Variants in MRPL39 observed in about 807,000 individuals in gnomAD.
The protein encoded by MRPL39 is mitochondrial ribosomal protein L39, also known as large ribosomal subunit protein mL39.
Under a neutral mutation model 44.5 loss-of-function variants are expected in MRPL39, and 35 were observed. The ratio of observed to expected loss-of-function variants is 0.79; its 90% CI spans 0.60 to 1.04. The LOEUF (loss-of-function observed/expected upper bound fraction) is 1.04. MRPL39 is among the 50% of genes least tolerant of loss of function. The probability of loss-of-function intolerance (pLI) is 0.00; values close to 1 mark genes in which losing one functional copy is unlikely to be tolerated. For missense variants in MRPL39, 433 were observed against 413.5 expected, an observed-to-expected ratio of 1.05 and a Z score of -0.41; for synonymous variants, 139 against 136.1, an observed-to-expected ratio of 1.02 and a Z score of -0.15.
intron 2 of MRPL39, among the ~76,000 whole-genome samples, chr21:25,604,948 A>G (rs1450980482): frequency 1.3e-5 from 2 of 152,218 alleles, no homozygotes; most frequent in Non-Finnish European, 2.9e-5. Flanking sequence ...TGTGATGTGT[A>G]TAAAGCTCCT....
chr21:25,605,775 G>A lies in MRPL39; in HGVS notation c.280+674C>T, dbSNP rs1418092023. ...ATAAATTAGCCAGGTGTGATGGTGGGCACCTGTAGTCCCAGCTACTTCGTA... is the reference window on the plus strand; with the variant it reads ...ATAAATTAGCCAGGTGTGATGGTGGACACCTGTAGTCCCAGCTACTTCGTA... On this transcript the variant is annotated intron_variant, in intron 2 of 9. Coordinates refer to ENST00000352957, the MANE Select transcript of MRPL39 (RefSeq NM_017446.4). 2.6e-5 allele frequency among the ~76,000 whole-genome samples: 4 copies of A among 152,208 alleles called. No individual in the cohort carries two copies. The South Asian group carries it at 8.3e-4, about 32-fold the overall frequency.
chr21:25,594,111 C>G (rs1275167455), intron 6 of MRPL39, among the ~76,000 whole-genome samples, 153 bp from the exon 7 acceptor site: 1 of 152,188 alleles, frequency 6.6e-6, no homozygotes, highest in African/African-American at 2.4e-5. Context: ...CCCCATGACT[C>G]TGCCAAACTG....
chr21:25,592,849 C>T lies in MRPL39; in HGVS notation c.884G>A (p.Arg295Gln), dbSNP rs762862328. 3.1e-6 allele frequency: 5 copies of T among 1,612,272 alleles called. No individual in the cohort carries two copies. The highest frequency in any genetic ancestry group is 2.2e-5 in the East Asian group (1 of 44,860). ...NLQPTQPSLIRRFQGVSLPVH... is the reference protein window; with the variant it reads ...NLQPTQPSLIQRFQGVSLPVH... ...AGGTAAAGACACGCCCTGGAATCTTCGTATGAGACTTGGCTGGGTGGGTTG... is the reference window on the plus strand; with the variant it reads ...AGGTAAAGACACGCCCTGGAATCTTTGTATGAGACTTGGCTGGGTGGGTTG... Residue 295 changes from arginine to glutamine, a missense_variant, in exon 8 of 10, where the codon CGA becomes CAA. Coordinates refer to ENST00000352957, the MANE Select transcript of MRPL39 (RefSeq NM_017446.4).
chr21:25,602,610 C>T (rs139730845), intron 3 of MRPL39, among the ~76,000 whole-genome samples: 2,065 of 152,222 alleles, frequency 0.014, 27 homozygotes, highest in Middle Eastern at 0.024. Context: ...TCTTCACATT[C>T]GACCGTTTAT....
At chr21:25,593,979 A>T (rs954874707) in intron 6 of MRPL39, 21 bp from the exon 7 acceptor site, 2 of 1,606,456 alleles carry the variant, frequency 1.2e-6, no homozygotes, top group Non-Finnish European at 8.5e-7. Flanking sequence ...GCAAAGAAAA[A>T]AACATTTTTT....
chr21:25,607,813 C>T (rs577532950), upstream of MRPL39, among the ~76,000 whole-genome samples: 27 of 148,686 alleles, frequency 1.8e-4, no homozygotes, highest in Admixed American at 8.2e-4. Flanking sequence ...TCCGCGGGTT[C>T]GATCCCGGCC....
intron 2 of MRPL39, among the ~76,000 whole-genome samples, chr21:25,605,199 T>C (rs1023249801): frequency 2.0e-5 from 3 of 152,260 alleles, no homozygotes; most frequent in Admixed American, 6.5e-5. Context: ...GCAATGCAGC[T>C]AGTCATGCCT....
chr21:25,598,086 T>C (rs1199994831), intron 5 of MRPL39, among the ~76,000 whole-genome samples: 1 of 152,156 alleles, frequency 6.6e-6, no homozygotes, highest in African/African-American at 2.4e-5. Flanking sequence ...ATTTTTATAA[T>C]GAAATTATTT....
chr21:25,596,786 A>G lies in MRPL39; in HGVS notation c.701+516T>C, dbSNP rs560799597. Among the ~76,000 whole-genome samples, 6 of 152,312 alleles carry G rather than the reference A, an allele frequency of 3.9e-5. 1 individual carries two copies. Among genetic ancestry groups the G allele is most frequent in the African/African-American group, 1.4e-4 (6 of 41,572 alleles). On this transcript the variant is annotated intron_variant, in intron 6 of 9. Coordinates refer to ENST00000352957, the MANE Select transcript of MRPL39 (RefSeq NM_017446.4). ...ACAACTGGTAGTAGAAGGTGAACTG[A>G]AAGTTTTCTGAGAACTGAGAAGCCA...
chr21:25,593,277 T>C (rs1489420798), intron 7 of MRPL39, among the ~76,000 whole-genome samples: 1 of 152,182 alleles, frequency 6.6e-6, no homozygotes, highest in Non-Finnish European at 1.5e-5. Flanking sequence ...AACCTTACAA[T>C]AACCCATGTA....
chr21:25,591,424 A>C (rs1166482546), intron 8 of MRPL39, among the ~76,000 whole-genome samples: 1 of 152,148 alleles, frequency 6.6e-6, no homozygotes, highest in Non-Finnish European at 1.5e-5. Flanking sequence ...CTACATATCT[A>C]ACAAAAAACT....
At position 25,591,043 on chromosome 21, in the gene MRPL39, C is replaced by T. The variant is rs79545053; in HGVS notation, c.921+1769G>A. Among the ~76,000 whole-genome samples the T allele has an allele frequency of 4.3e-3, 619 of 142,668 alleles. 4 individuals are homozygous for T. The highest frequency in any genetic ancestry group is 0.016 in the African/African-American group (585 of 37,370). 93.6% of individuals were successfully genotyped at this position (142,668 alleles called of 152,430 possible). A position where few individuals can be genotyped will look rare whatever the true frequency, so the allele number is the denominator to read the frequency against. On this transcript the variant is annotated intron_variant, in intron 8 of 9. Coordinates refer to ENST00000352957, the MANE Select transcript of MRPL39 (RefSeq NM_017446.4). Reference sequence around the variant, plus strand: ...AGTGGAGGAAGAGTGGCCTTTTCAACGAATGGTGTTGGAGCAATCTGACAT... The same window carrying T: ...AGTGGAGGAAGAGTGGCCTTTTCAATGAATGGTGTTGGAGCAATCTGACAT...
rs115649519 is a variant in MRPL39, at chr21:25,607,456, C to T, written c.20G>A (p.Gly7Asp). Residue 7 changes from glycine to aspartate, a missense_variant, in exon 1 of 10, where the codon GGT becomes GAT. By Grantham distance (94) the Gly-to-Asp change is moderately conservative. Transcript: ENST00000352957. MEALAM[G>D]SRALRLWLVA... is the part of the protein sequence containing the mutation. ...CAGCCAGAGCCGCAGCGCCCGGGAA[C>T]CCATGGCCAGCGCCTCCATAGCAGC... 3 of 1,612,750 alleles carry T rather than the reference C, an allele frequency of 1.9e-6. No homozygotes were observed. Among genetic ancestry groups the T allele is most frequent in the African/African-American group, 2.7e-5 (2 of 75,046 alleles).
chr21:25,599,981 T>A, intron 4 of MRPL39, 115 bp from the exon 5 acceptor site: 1 of 728,002 alleles, frequency 1.4e-6, no homozygotes, highest in Non-Finnish European at 2.3e-6. Flanking sequence ...CTCCCAACTC[T>A]ACAAATTATA....
intron 2 of MRPL39, 120 bp from the exon 3 acceptor site, chr21:25,604,055 G>A: frequency 7.7e-6 from 7 of 907,896 alleles, no homozygotes; most frequent in South Asian, 7.4e-5. Flanking sequence ...GTCCTTTTTA[G>A]AGAAAAAAAG....
In MRPL39 at chr21:25,606,641, A is replaced by G. The variant is rs778041725; in HGVS notation, c.88T>C (p.Ser30Pro). The change falls in exon 2 of 10, where the codon TCG becomes CCG. Residue 30 changes from serine (S) to proline (P), a missense_variant. Coordinates refer to ENST00000352957, the MANE Select transcript of MRPL39 (RefSeq NM_017446.4). ...GGIKWRFIAT[S>P]SASQLSPTEL... is the part of the protein sequence containing the mutation. ...GTCGGTGACAGCTGAGAAGCTGACG[A>G]TGTTGCTATAAATCCTGTGGAGAAG... 3.7e-6 allele frequency: 6 copies of G among 1,611,338 alleles called. No homozygotes were observed. The South Asian group carries it at 6.6e-5, about 18-fold the overall frequency.
At chr21:25,596,226 G>C (rs2031354589) in intron 6 of MRPL39, among the ~76,000 whole-genome samples, 1 of 152,132 alleles carries the variant, frequency 6.6e-6, no homozygotes, top group Admixed American at 6.6e-5. Flanking sequence ...AGCCTCCTGA[G>C]TAGCTGGGAC....
At chr21:25,607,215 C>T (rs754660697) in intron 1 of MRPL39, among the ~76,000 whole-genome samples, 188 bp downstream of exon 1, 1 of 152,228 alleles carries the variant, frequency 6.6e-6, no homozygotes, top group Non-Finnish European at 1.5e-5. Context: ...TGCCCCTGCC[C>T]TCCGCCAGAC....
At chr21:25,594,103 C>G in intron 6 of MRPL39, 145 bp from the exon 7 acceptor site, 1 of 656,942 alleles carries the variant, frequency 1.5e-6, no homozygotes, top group Non-Finnish European at 2.6e-6. Context: ...GGCCACAGCC[C>G]CATGACTCTG....
Sources: gnomAD v4.1 joint callset for allele counts (sites outside exome capture counted in the v4.1 genomes callset) on GRCh38, gnomAD v4.1.1 for gene constraint, MANE v1.5 for transcripts, NCBI Gene and HGNC (gene_info 2026-07-23, HGNC 2026-07-21) for gene names.